The following CNBD1 variants were observed in gnomAD, a reference collection of about 807,000 sequenced individuals.
CNBD1 encodes cyclic nucleotide binding domain containing 1.
Under a neutral mutation model 54.4 loss-of-function variants are expected in CNBD1, and 71 were observed. The observed-to-expected ratio is 1.30, with a 90% CI of 1.08 to 1.59. The LOEUF (loss-of-function observed/expected upper bound fraction) is 1.59, where lower values mean the gene tolerates loss of function less well. Among genes scored for constraint, CNBD1 ranks in the 40% most tolerant of loss-of-function variants. CNBD1 has a pLI of 0.00. For missense variants in CNBD1, 659 were observed against 518.0 expected, an observed-to-expected ratio of 1.27 and a Z score of -2.64; for synonymous variants, 182 against 170.7, an observed-to-expected ratio of 1.07 and a Z score of -0.51.
intron 10 of CNBD1, among the ~76,000 whole-genome samples, chr8:87,363,630 T>C (rs1363783955): frequency 6.6e-6 from 1 of 151,842 alleles, no homozygotes; most frequent in Non-Finnish European, 1.5e-5. Flanking sequence ...TTTTCATATG[T>C]TTGTTAGCTG....
chr8:87,036,391 G>T (rs1286861568), intron 4 of CNBD1, among the ~76,000 whole-genome samples: 1 of 151,876 alleles, frequency 6.6e-6, no homozygotes, highest in African/African-American at 2.4e-5. Context: ...TCAGGAGATC[G>T]AGACCATCCT....
chr8:87,412,122 G>GT (rs964234857), intron 2 of CNBD1, among the ~76,000 whole-genome samples: 4 of 151,836 alleles, frequency 2.6e-5, no homozygotes, highest in Non-Finnish European at 5.9e-5. Context: ...AGGAACCTGA[G>GT]TTTTTTTCAT....
intron 1 of CNBD1, among the ~76,000 whole-genome samples, chr8:86,882,520 C>T (rs191806285): frequency 2.0e-5 from 3 of 152,164 alleles, no homozygotes; most frequent in Admixed American, 2.0e-4. Flanking sequence ...AAAAAAATAA[C>T]AGATGCTGGT....
chr8:86,978,468 T>C (rs1193743947), intron 4 of CNBD1, among the ~76,000 whole-genome samples: 1 of 152,076 alleles, frequency 6.6e-6, no homozygotes, highest in Non-Finnish European at 1.5e-5. Flanking sequence ...AAATTTGATT[T>C]ATAAAATATT....
At chr8:87,212,754 T>C (rs1303388328) in intron 5 of CNBD1, among the ~76,000 whole-genome samples, 1 of 152,152 alleles carries the variant, frequency 6.6e-6, no homozygotes, top group East Asian at 1.9e-4. Flanking sequence ...ATAAAACTTT[T>C]AGAAGAAAAA....
intron 4 of CNBD1, among the ~76,000 whole-genome samples, chr8:87,017,087 C>A (rs1203992847): frequency 6.6e-6 from 1 of 152,116 alleles, no homozygotes; most frequent in Non-Finnish European, 1.5e-5. Flanking sequence ...CATACAGATG[C>A]AACCCCCTGC....
At chr8:86,978,650 C>A (rs768022654) in intron 4 of CNBD1, among the ~76,000 whole-genome samples, 3 of 147,626 alleles carry the variant, frequency 2.0e-5, no homozygotes, top group Non-Finnish European at 3.0e-5. Context: ...TCAAGCAATT[C>A]TCCTGCCTCA....
chr8:86,944,579 G>C lies in CNBD1; in HGVS notation c.431+4825G>C, dbSNP rs1049032982. Among the ~76,000 whole-genome samples, 7 of 152,072 alleles carry C rather than the reference G, an allele frequency of 4.6e-5. No homozygotes were observed. In the East Asian group the frequency reaches 1.3e-3, roughly 29 times the overall value. ...TGCAAGAGCCCAGGTATTGCAACAT[G>C]GTCTGCAAATAGAAAAACAAATTAC... On this transcript the variant is annotated intron_variant, in intron 4 of 10. Transcript: ENST00000518476.
chr8:87,205,972 G>GT, intron 4 of CNBD1, 21 bp from the exon 5 acceptor site: 1 of 1,386,394 alleles, frequency 7.2e-7, no homozygotes, highest in Non-Finnish European at 9.5e-7. Context: ...CTCTGAATTT[G>GT]TATTTTTTTT....
intron 4 of CNBD1, among the ~76,000 whole-genome samples, chr8:87,146,673 C>A (rs1374097634): frequency 6.6e-6 from 1 of 152,054 alleles, no homozygotes; most frequent in Non-Finnish European, 1.5e-5. Flanking sequence ...TCCTCTTTTT[C>A]TCTTACTCCT....
rs140124268 is a variant in CNBD1 at position 86,948,647 on chromosome 8, A to T, written c.431+8893A>T. ...ACAGAGTTTTTTGAGCTTCTTATCT[A>T]TTCTGGTTATTAATCCCTTGTCAGA... On this transcript the variant is annotated intron_variant, in intron 4 of 10. Coordinates refer to ENST00000518476, the MANE Select transcript of CNBD1 (RefSeq NM_173538.3). Among the ~76,000 whole-genome samples the T allele has an allele frequency of 3.5e-4, 53 of 152,174 alleles. 1 individual carries two copies. The highest frequency in any genetic ancestry group is 1.2e-3 in the African/African-American group (51 of 41,532).
At chr8:87,147,044 C>A (rs1462129942) in intron 4 of CNBD1, among the ~76,000 whole-genome samples, 1 of 152,054 alleles carries the variant, frequency 6.6e-6, no homozygotes, top group Non-Finnish European at 1.5e-5. Context: ...CCTCCATCAC[C>A]ACCATGCCAT....
At chr8:86,928,688 G>A (rs10955114) in intron 3 of CNBD1, among the ~76,000 whole-genome samples, 80,997 of 152,030 alleles carry the variant, frequency 0.53, 21,801 homozygotes, top group South Asian at 0.6. Context: ...CTCACTGCCA[G>A]TTGTCTCCGG....
chr8:87,276,797 A>T (rs547776860), intron 6 of CNBD1, among the ~76,000 whole-genome samples: 1 of 151,704 alleles, frequency 6.6e-6, no homozygotes, highest in East Asian at 1.9e-4. Context: ...TTCCTTAGAG[A>T]CATCCAACAG....
At chr8:87,306,136 A>G (rs117135336) in intron 8 of CNBD1, among the ~76,000 whole-genome samples, 15,082 of 152,284 alleles carry the variant, frequency 0.099, 759 homozygotes, top group African/African-American at 0.11. Context: ...CAAATGTCCA[A>G]CAAACATATG....
At chr8:87,392,295 C>T (rs1778623453) in intron 2 of CNBD1, among the ~76,000 whole-genome samples, 1 of 151,962 alleles carries the variant, frequency 6.6e-6, no homozygotes, top group Non-Finnish European at 1.5e-5. Flanking sequence ...AGCATTTCTA[C>T]TTCTAGGTCT....
chr8:87,111,793 GC>G (rs1464003914), intron 4 of CNBD1, among the ~76,000 whole-genome samples: 2 of 147,798 alleles, frequency 1.4e-5, no homozygotes, highest in African/African-American at 5.0e-5. Context: ...CCCCCCTCCC[GC>G]CCCCTGCATC....
intron 10 of CNBD1, among the ~76,000 whole-genome samples, chr8:87,358,830 C>G (rs1372983598): frequency 1.3e-5 from 2 of 152,082 alleles, no homozygotes; most frequent in African/African-American, 2.4e-5. Flanking sequence ...GTCTGAAGGC[C>G]AGAGCACCAG....
At chr8:87,378,496 C>T (rs1216711273) in intron 10 of CNBD1, among the ~76,000 whole-genome samples, 1 of 151,088 alleles carries the variant, frequency 6.6e-6, no homozygotes, top group East Asian at 1.9e-4. Context: ...GGGCTCCATT[C>T]TGTTCCATTG....
Sources: allele counts gnomAD v4.1 joint callset (sites outside exome capture counted in the v4.1 genomes callset), GRCh38; gene constraint gnomAD v4.1.1; transcripts MANE v1.5; gene names NCBI Gene and HGNC (gene_info 2026-07-23, HGNC 2026-07-21).